Variants in SELP observed in about 807,000 individuals in gnomAD.
The protein encoded by SELP is selectin P, also known as P-selectin.
Under a neutral mutation model 104.1 loss-of-function variants are expected in SELP, and 92 were observed. That is an observed-to-expected ratio of 0.88 (90% CI 0.75 to 1.05). The LOEUF is 1.05. SELP is among the 50% of genes least tolerant of loss of function. The pLI, the probability that SELP is intolerant of heterozygous loss-of-function variation, is 0.00. For missense variants in SELP, 1,022 were observed against 1,017.3 expected, an observed-to-expected ratio of 1.00 and a Z score of -0.06; for synonymous variants, 397 against 364.5, an observed-to-expected ratio of 1.09 and a Z score of -1.01.
chr1:169,592,074 A>G (rs986855522), intron 14 of SELP, among the ~76,000 whole-genome samples: 1 of 152,196 alleles, frequency 6.6e-6, no homozygotes, highest in South Asian at 2.1e-4. Flanking sequence ...GACTTGGGGG[A>G]AACATCAAGA....
chr1:169,595,969 C>T lies in SELP; in HGVS notation c.2057G>A (p.Cys686Tyr), dbSNP rs1661584647. Residue 686 changes from cysteine (C) to tyrosine (Y), a missense_variant, in exon 12 of 17, where the codon TGC becomes TAC. Physicochemically the swap from Cys to Tyr is radical, Grantham distance 194. Coordinates refer to ENST00000263686, the MANE Select transcript of SELP (RefSeq NM_003005.4). ...FTLIGDSTLSCRPSGQWTAVT... is the reference protein window; with the variant it reads ...FTLIGDSTLSYRPSGQWTAVT... ...TGCTGTCCATTGTCCTGAAGGTCTG[C>T]AGCTGAGAGTGCTGTCTCCTATGAG... 1 of 1,613,832 alleles carries T rather than the reference C, an allele frequency of 6.2e-7. No individual in the cohort carries two copies. Among genetic ancestry groups the T allele is most frequent in the Non-Finnish European group, 8.5e-7 (1 of 1,179,818 alleles).
At chr1:169,626,711 G>T (rs1166333510) in intron 1 of SELP, among the ~76,000 whole-genome samples, 1 of 152,084 alleles carries the variant, frequency 6.6e-6, no homozygotes, top group African/African-American at 2.4e-5. Context: ...TTGTGGGGCT[G>T]GGGGACAGGG....
intron 3 of SELP, 26 bp from the exon 4 acceptor site, chr1:169,613,719 T>C: frequency 1.3e-6 from 2 of 1,581,952 alleles, no homozygotes; most frequent in South Asian, 2.2e-5. Flanking sequence ...AAGGTCAGAG[T>C]CATGGACATT....
chr1:169,619,378 T>A (rs1662981002), intron 1 of SELP, among the ~76,000 whole-genome samples, 159 bp from the exon 2 acceptor site: 1 of 152,250 alleles, frequency 6.6e-6, no homozygotes, highest in Non-Finnish European at 1.5e-5. Flanking sequence ...CTCATTGCCC[T>A]GCTTCTAAGT....
Position 169,609,576 on chromosome 1 carries a change from T to A in SELP, c.1261A>T (p.Met421Leu). Reference sequence around the variant, plus strand: ...CGAACTATATCGGCTCCTCTCAGCATGAAACCTTCAGCACAGCGGAAGCTA... The same window carrying A: ...CGAACTATATCGGCTCCTCTCAGCAAGAAACCTTCAGCACAGCGGAAGCTA... Reference protein sequence around the residue: ...NCSFRCAEGFMLRGADIVRCD... With the variant: ...NCSFRCAEGFLLRGADIVRCD... Residue 421 changes from methionine to leucine, a missense_variant, in exon 8 of 17, where the codon ATG becomes TTG. Physicochemically the swap from Met to Leu is conservative, Grantham distance 15. Transcript: ENST00000263686. The A allele has an allele frequency of 6.2e-7, 1 of 1,614,104 alleles. No homozygotes were observed. Among genetic ancestry groups the A allele is most frequent in the Non-Finnish European group, 8.5e-7 (1 of 1,179,992 alleles).
chr1:169,602,346 G>A (rs1415886640), intron 10 of SELP, among the ~76,000 whole-genome samples: 1 of 152,150 alleles, frequency 6.6e-6, no homozygotes. Context: ...GTCTGTGGCT[G>A]GGATTTAGTA....
chr1:169,605,693 A>G (rs1157620876), intron 9 of SELP, among the ~76,000 whole-genome samples: 3 of 152,222 alleles, frequency 2.0e-5, no homozygotes, highest in Admixed American at 1.3e-4. Flanking sequence ...TCATAAAAAT[A>G]TTAATTGCAT....
chr1:169,591,486 G>T, intron 14 of SELP, 30 bp from the exon 15 acceptor site: 15 of 1,392,036 alleles, frequency 1.1e-5, no homozygotes, highest in South Asian at 5.3e-5. Flanking sequence ...AAGAATGAAT[G>T]ATTAAAAAAA....
intron 7 of SELP, among the ~76,000 whole-genome samples, chr1:169,610,591 G>A (rs1662471172): frequency 6.6e-6 from 1 of 152,114 alleles, no homozygotes; most frequent in Non-Finnish European, 1.5e-5. Context: ...GAGGTCGGGA[G>A]TTTGAGACCA....
chr1:169,617,124 CGTT>C lies in SELP; in HGVS notation c.382_384del (p.Asn128del). On this transcript the variant is annotated inframe_deletion, in exon 3 of 17. Coordinates refer to ENST00000263686, the MANE Select transcript of SELP (RefSeq NM_003005.4). ...TTGATGTATATCTCCACGCAGTCCT[CGTT>C]GTTCCTTTTGTTGTTAGGTTCATTA... 1.2e-6 allele frequency: 2 copies of C among 1,614,034 alleles called. No homozygotes were observed. The highest frequency in any genetic ancestry group is 4.5e-5 in the East Asian group (2 of 44,876).
rs753487649 is a variant in SELP, at chr1:169,611,528, A to G, written c.1111T>C (p.Ser371Pro). The change falls in exon 7 of 17, where the codon TCT becomes CCT. Residue 371 changes from serine to proline, a missense_variant. By Grantham distance (74) the Ser-to-Pro change is moderately conservative. Transcript: ENST00000263686. ...GGCAAGGGTGCAGACCAGTGTCCAG[A>G]GTCAATGCAGCGGAGCATGTCCAAG... Reference protein sequence around the residue: ...RGLDMLRCIDSGHWSAPLPTC... With the variant: ...RGLDMLRCIDPGHWSAPLPTC... 8 of 1,613,928 alleles carry G rather than the reference A, an allele frequency of 5.0e-6. 1 individual carries two copies. The Admixed American group carries it at 1.0e-4, about 20-fold the overall frequency.
intron 1 of SELP, among the ~76,000 whole-genome samples, chr1:169,628,624 G>C (rs963901441): frequency 6.6e-6 from 1 of 152,156 alleles, no homozygotes. Context: ...CTAAAGGTTG[G>C]TGTTTATGTC....
At chr1:169,626,000 G>A (rs775451330) in intron 1 of SELP, among the ~76,000 whole-genome samples, 15 of 152,202 alleles carry the variant, frequency 9.9e-5, no homozygotes, top group East Asian at 5.8e-4. Context: ...GGTCAGGAAC[G>A]TCAGGGAAGA....
In SELP at chr1:169,610,373, T is replaced by C. The variant is rs548951889; in HGVS notation, c.1148-684A>G. Among the ~76,000 whole-genome samples the C allele has an allele frequency of 5.3e-5, 8 of 152,302 alleles. No individual in the cohort carries two copies. In the East Asian group the frequency reaches 1.4e-3, roughly 26 times the overall value. On this transcript the variant is annotated intron_variant, in intron 7 of 16. Coordinates refer to ENST00000263686, the MANE Select transcript of SELP (RefSeq NM_003005.4). ...GAGTGACCTCAGTTCTGATAAAGAT[T>C]GGTTTCCTCATGCTCTTCCTTGATA...
At chr1:169,611,093 C>T (rs974113784) in intron 7 of SELP, among the ~76,000 whole-genome samples, 8 of 152,056 alleles carry the variant, frequency 5.3e-5, no homozygotes, top group East Asian at 1.9e-4. Context: ...CACACTTTTT[C>T]GATGCAGTGT....
At chr1:169,618,090 T>C (rs2101916909) in intron 2 of SELP, among the ~76,000 whole-genome samples, 1 of 152,338 alleles carries the variant, frequency 6.6e-6, no homozygotes, top group Middle Eastern at 3.4e-3. Context: ...TGTCTGTTTC[T>C]ATGATACAGT....
At chr1:169,630,038 C>A in intron 1 of SELP, 34 bp downstream of exon 1, 1 of 1,614,138 alleles carries the variant, frequency 6.2e-7, no homozygotes, top group South Asian at 1.1e-5. Flanking sequence ...CAACTCACTT[C>A]AACCACTTCC....
At chr1:169,611,453 T>G in intron 7 of SELP, 39 bp downstream of exon 7, 1 of 1,603,790 alleles carries the variant, frequency 6.2e-7, no homozygotes, top group South Asian at 1.1e-5. Context: ...CCATGATTCC[T>G]TCTTGGACAG....
At chr1:169,628,242 G>T (rs1663472748) in intron 1 of SELP, among the ~76,000 whole-genome samples, 1 of 152,180 alleles carries the variant, frequency 6.6e-6, no homozygotes, top group Non-Finnish European at 1.5e-5. Flanking sequence ...TTAACTATAA[G>T]TTCCCAATCA....
Sources: gnomAD v4.1 joint callset for allele counts (sites outside exome capture counted in the v4.1 genomes callset) on GRCh38, gnomAD v4.1.1 for gene constraint, MANE v1.5 for transcripts, NCBI Gene and HGNC (gene_info 2026-07-23, HGNC 2026-07-21) for gene names.